Variants in MTMR9 observed in about 807,000 individuals in gnomAD.
The protein encoded by MTMR9 is myotubularin-related protein 9.
A neutral mutation model predicts 69.5 loss-of-function variants in MTMR9; 39 were observed. The observed-to-expected ratio is 0.56, with a 90% CI of 0.43 to 0.73. The LOEUF is 0.73. Among genes scored for constraint, MTMR9 ranks in the 30% least tolerant of loss-of-function variants. MTMR9 has a pLI of 0.00. For synonymous variants in MTMR9, 354 were observed against 240.8 expected, an observed-to-expected ratio of 1.47 and a Z score of -4.35; for missense variants, 900 against 671.2, an observed-to-expected ratio of 1.34 and a Z score of -3.77.
downstream of MTMR9, chr8:11,330,780 G>A (rs1428019808): frequency 2.1e-5 from 9 of 428,428 alleles, no homozygotes; most frequent in East Asian, 4.6e-5. Flanking sequence ...CAAACACTGC[G>A]GAAGGCCGCA....
At chr8:11,290,870 T>G (rs369594567) in intron 1 of MTMR9, among the ~76,000 whole-genome samples, 1 of 152,004 alleles carries the variant, frequency 6.6e-6, no homozygotes, top group South Asian at 2.1e-4. Flanking sequence ...TTCGTTTTTT[T>G]TTTTTTTTTT....
Position 11,326,640 on chromosome 8 carries a change from A to T in MTMR9, c.*3852A>T, listed in dbSNP as rs1473357455. On this transcript the variant is annotated 3_prime_UTR_variant, in exon 10 of 10. Coordinates refer to ENST00000221086, the MANE Select transcript of MTMR9 (RefSeq NM_015458.4). ...TCCTCCAGACCTAGTATTCTAAGTT[A>T]TTACCACATAGTATTTTTATGTTAC... is the stretch of plus-strand genomic sequence containing the variant. 6.6e-6 allele frequency: 1 copy of T among 152,208 alleles called. No individual in the cohort carries two copies. Among genetic ancestry groups the T allele is most frequent in the Non-Finnish European group, 1.5e-5 (1 of 68,038 alleles). 9.4% of individuals were successfully genotyped at this position (152,208 alleles called of 1,614,324 possible).
intron 9 of MTMR9, 83 bp from the exon 10 acceptor site, chr8:11,322,542 A>G (rs934671197): frequency 1.7e-6 from 2 of 1,191,912 alleles, no homozygotes; most frequent in Non-Finnish European, 2.4e-6. Flanking sequence ...TATAATACAT[A>G]AATTACATCT....
At chr8:11,310,070 T>C (rs185861779) in intron 6 of MTMR9, among the ~76,000 whole-genome samples, 56 of 152,328 alleles carry the variant, frequency 3.7e-4, no homozygotes, top group South Asian at 4.1e-4. Context: ...TTTTGAAATA[T>C]CAGCGAAAGG....
At chr8:11,289,046 T>G (rs1799287739) in intron 1 of MTMR9, among the ~76,000 whole-genome samples, 1 of 152,002 alleles carries the variant, frequency 6.6e-6, no homozygotes, top group Non-Finnish European at 1.5e-5. Flanking sequence ...GTGGTGCATG[T>G]CTCTGATCCC....
At chr8:11,318,813 A>G (rs1445175808) in intron 8 of MTMR9, 1 of 152,138 alleles carries the variant, frequency 6.6e-6, no homozygotes, top group Non-Finnish European at 1.5e-5. Flanking sequence ...TGTACATGTA[A>G]GTTATTTTCC....
At chr8:11,313,151 G>T (rs1019066083) in intron 6 of MTMR9, among the ~76,000 whole-genome samples, 2 of 152,188 alleles carry the variant, frequency 1.3e-5, no homozygotes, top group African/African-American at 4.8e-5. Context: ...TTTTTTCGCT[G>T]ACAAGAGAGT....
intron 3 of MTMR9, chr8:11,300,870 A>G (rs746055703): frequency 1.3e-5 from 2 of 152,242 alleles, no homozygotes; most frequent in Admixed American, 1.3e-4. Flanking sequence ...TTGGAAGACA[A>G]TATTGTTCAG....
downstream of MTMR9, chr8:11,331,132 A>G (rs1170009323): frequency 1.9e-6 from 3 of 1,605,398 alleles, no homozygotes; most frequent in Non-Finnish European, 2.6e-6. Flanking sequence ...CCCTACTTCA[A>G]CCTGCCTGAC....
At chr8:11,288,059 AAT>A (rs1799244746) in intron 1 of MTMR9, among the ~76,000 whole-genome samples, 2 of 130,480 alleles carry the variant, frequency 1.5e-5, no homozygotes, top group Non-Finnish European at 3.1e-5. Flanking sequence ...CGTATTATAT[AAT>A]ATATATTATA....
At chr8:11,322,314 TATC>T (rs1800729015) in intron 9 of MTMR9, among the ~76,000 whole-genome samples, 1 of 152,260 alleles carries the variant, frequency 6.6e-6, no homozygotes, top group South Asian at 2.1e-4. Context: ...CATTGCAAAT[TATC>T]ATCTTGTTTT....
At chr8:11,292,704 C>A (rs1369368) in intron 1 of MTMR9, among the ~76,000 whole-genome samples, 92,015 of 151,912 alleles carry the variant, frequency 0.61, 28,312 homozygotes, top group East Asian at 0.86. Context: ...TTTCTTACTG[C>A]GTTTTGAGAG....
chr8:11,297,242 A>C (rs1799593290), intron 2 of MTMR9, among the ~76,000 whole-genome samples: 1 of 152,238 alleles, frequency 6.6e-6, no homozygotes, highest in Non-Finnish European at 1.5e-5. Context: ...AGGAATAGAG[A>C]AATAGAGGAA....
At chr8:11,285,151 C>A in intron 1 of MTMR9, 81 bp downstream of exon 1, 2 of 1,375,920 alleles carry the variant, frequency 1.5e-6, no homozygotes, top group Non-Finnish European at 1.9e-6. Flanking sequence ...CTGGCGTTTT[C>A]CGCGCAGCCT....
At position 11,324,115 on chromosome 8, in the gene MTMR9, A is replaced by G. The variant is rs1285571584; in HGVS notation, c.*1327A>G. On this transcript the variant is annotated 3_prime_UTR_variant, in exon 10 of 10. Transcript: ENST00000221086. ...GAGTAATCTTTAAAACCATTTCCAT[A>G]CCATCTGTATATAACCATTTCGGTA... 2 of 152,144 alleles carry G rather than the reference A, an allele frequency of 1.3e-5. No homozygotes were observed. The highest frequency in any genetic ancestry group is 1.9e-4 in the East Asian group (1 of 5,190). The allele number at this position is 152,144 out of a possible 1,614,324, so 9.4% of individuals were successfully genotyped here.
downstream of MTMR9, chr8:11,331,008 G>C (rs942160041): frequency 1.3e-6 from 2 of 1,496,168 alleles, no homozygotes; most frequent in African/African-American, 2.8e-5. Context: ...AGAGTTCCAG[G>C]GAAGAACCCC....
intron 5 of MTMR9, among the ~76,000 whole-genome samples, chr8:11,308,926 A>G (rs971170029): frequency 3.3e-5 from 5 of 152,210 alleles, no homozygotes; most frequent in African/African-American, 1.2e-4. Context: ...CTCTGCAGGT[A>G]GATCAGCAGT....
rs76586345 is a variant in MTMR9, at chr8:11,304,187, A to T, written c.418-654A>T. ...TACTCAGTTTGAAATTATTTCATTGACTCCTAAGCTTAACCTTCCTTAGTA... is the reference window on the plus strand; with the variant it reads ...TACTCAGTTTGAAATTATTTCATTGTCTCCTAAGCTTAACCTTCCTTAGTA... On this transcript the variant is annotated intron_variant, in intron 3 of 9. Coordinates refer to ENST00000221086, the MANE Select transcript of MTMR9 (RefSeq NM_015458.4). Among the ~76,000 whole-genome samples the T allele has an allele frequency of 4.0e-3, 610 of 152,104 alleles. 6 individuals carry two copies. Among genetic ancestry groups the T allele is most frequent in the African/African-American group, 0.014 (588 of 41,500 alleles).
At chr8:11,334,252 A>T in the MTMR9 span, among the ~76,000 whole-genome samples, 1 of 152,236 alleles carries the variant, frequency 6.6e-6, no homozygotes, top group Non-Finnish European at 1.5e-5. Context: ...ACATAAAAAA[A>T]CAGTATTAAT....
Sources: gnomAD v4.1 joint callset for allele counts (sites outside exome capture counted in the v4.1 genomes callset) on GRCh38, gnomAD v4.1.1 for gene constraint, MANE v1.5 for transcripts, NCBI Gene and HGNC (gene_info 2026-07-23, HGNC 2026-07-21) for gene names.